The following FAM171A1 variants were observed in gnomAD, a reference collection of about 807,000 sequenced individuals.
FAM171A1 encodes the protein family with sequence similarity 171 member A1, also known as protein FAM171A1.
FAM171A1 carries 23 observed loss-of-function variants against 74.9 expected under a neutral mutation model. That is an observed-to-expected ratio of 0.31 (90% CI 0.22 to 0.44). The LOEUF (loss-of-function observed/expected upper bound fraction) is 0.44, where lower values mean the gene tolerates loss of function less well. Among genes scored for constraint, FAM171A1 ranks in the 20% least tolerant of loss-of-function variants. The pLI is 1.00. For synonymous variants in FAM171A1, 527 were observed against 505.7 expected, an observed-to-expected ratio of 1.04 and a Z score of -0.57; for missense variants, 1,162 against 1,159.2, an observed-to-expected ratio of 1.00 and a Z score of -0.03.
At chr10:15,258,258 A>G (rs1712242824) in intron 3 of FAM171A1, among the ~76,000 whole-genome samples, 1 of 151,768 alleles carries the variant, frequency 6.6e-6, no homozygotes, top group Non-Finnish European at 1.5e-5. Context: ...ATGAGGTTTC[A>G]TCACATTGGC....
rs753395427 is a variant in FAM171A1, at chr10:15,248,672, A to G, written c.721T>C (p.Tyr241His). 1.2e-6 allele frequency: 2 copies of G among 1,611,208 alleles called. No individual in the cohort carries two copies. Among genetic ancestry groups the G allele is most frequent in the South Asian group, 2.2e-5 (2 of 90,334 alleles). Residue 241 changes from tyrosine to histidine, a missense_variant, in exon 5 of 8, where the codon TAT becomes CAT. Tyr to His is a moderately conservative substitution (Grantham distance 83, BLOSUM62 2). Coordinates refer to ENST00000378116, the MANE Select transcript of FAM171A1 (RefSeq NM_001010924.2). ...TGGTCAAACCGCCACGCCGCGACAT[A>G]GGCATTGTGCCTCAGGCTGCTCTGC... is the stretch of plus-strand genomic sequence containing the variant. The part of the protein sequence containing the change: ...ATQSSLRHNA[Y>H]VAAWRFDQKL...
In FAM171A1 at chr10:15,283,936, G is replaced by T. The variant is rs150811432; in HGVS notation, c.267C>A (p.Thr89=). 1 of 1,614,014 alleles carries T rather than the reference G, an allele frequency of 6.2e-7. No individual in the cohort carries two copies. Among genetic ancestry groups the T allele is most frequent in the African/African-American group, 1.3e-5 (1 of 74,908 alleles). ...TTGGCACGTAGGCATGCTTCGAGGC[G>T]GTGACAATCAACTGACTGCCCAGCT... ...QYKLGSQLIV[T]ASKHAYVPNS... is the part of the protein sequence containing the mutation. Residue 89 remains threonine, a synonymous_variant, in exon 2 of 8, where the codon ACC becomes ACA. Coordinates refer to ENST00000378116, the MANE Select transcript of FAM171A1 (RefSeq NM_001010924.2).
At chr10:15,305,663 C>CGAAAA (rs1173838120) in intron 1 of FAM171A1, among the ~76,000 whole-genome samples, 1 of 9,638 alleles carries the variant, frequency 1.0e-4, no homozygotes, top group South Asian at 4.2e-3. Context: ...TGAGATCTGG[C>CGAAAA]TAAAAAAAAA....
intron 5 of FAM171A1, among the ~76,000 whole-genome samples, chr10:15,229,444 GTCACCACCATCATTGTCACCATCA>G (rs1834155293): frequency 1.4e-5 from 2 of 146,310 alleles, no homozygotes; most frequent in South Asian, 4.5e-4. Flanking sequence ...CATCACCATC[GTCACCACCATCATTGTCACCATCA>G]TCACCATTGT....
chr10:15,296,668 T>C (rs751072894), intron 1 of FAM171A1, among the ~76,000 whole-genome samples: 23 of 152,216 alleles, frequency 1.5e-4, no homozygotes, highest in Non-Finnish European at 3.1e-4. Context: ...CTCTTGATTG[T>C]ACCAAGAGGT....
Position 15,244,805 on chromosome 10 carries a change from C to T in FAM171A1, c.754+3834G>A, listed in dbSNP as rs575433811. On this transcript the variant is annotated intron_variant, in intron 5 of 7. Coordinates refer to ENST00000378116, the MANE Select transcript of FAM171A1 (RefSeq NM_001010924.2). Reference sequence around the variant, plus strand: ...CAGGGAGTAACTGGCACCCGCATACCGTGCCGTTCAAGCTGATAGGACCAT... The same window carrying T: ...CAGGGAGTAACTGGCACCCGCATACTGTGCCGTTCAAGCTGATAGGACCAT... Among the ~76,000 whole-genome samples, 305 of 152,172 alleles carry T rather than the reference C, an allele frequency of 2.0e-3. 2 individuals carry two copies. The highest frequency in any genetic ancestry group is 6.7e-3 in the African/African-American group (277 of 41,534).
chr10:15,361,518 A>G lies in FAM171A1; in HGVS notation c.97+9438T>C, dbSNP rs549185851. ...GCCAACATGGTAAAACCCTGTCTCT[A>G]CAAAAAATACAAAAACTAGCCAGGT... On this transcript the variant is annotated intron_variant, in intron 1 of 7. Transcript: ENST00000378116. Among the ~76,000 whole-genome samples the G allele has an allele frequency of 2.2e-4, 34 of 152,288 alleles. No homozygotes were observed. In the South Asian group the frequency reaches 7.0e-3, roughly 32 times the overall value.
chr10:15,305,663 C>CAAAAAA (rs1173838120), intron 1 of FAM171A1, among the ~76,000 whole-genome samples: 1 of 9,642 alleles, frequency 1.0e-4, no homozygotes, highest in Non-Finnish European at 2.0e-4. Flanking sequence ...TGAGATCTGG[C>CAAAAAA]TAAAAAAAAA....
chr10:15,308,860 T>C (rs1162266416), intron 1 of FAM171A1, among the ~76,000 whole-genome samples: 1 of 152,014 alleles, frequency 6.6e-6, no homozygotes, highest in Non-Finnish European at 1.5e-5. Context: ...GAGATGGGGT[T>C]TCACCATGTT....
intron 2 of FAM171A1, among the ~76,000 whole-genome samples, chr10:15,276,199 C>A (rs972941670): frequency 2.0e-5 from 3 of 147,064 alleles, no homozygotes; most frequent in African/African-American, 7.5e-5. Context: ...TTTCTTTTTT[C>A]TGAGACGGAC....
rs558313868 is a variant in FAM171A1 at position 15,287,979 on chromosome 10, T to C, written c.98-3874A>G. 1.8e-4 allele frequency among the ~76,000 whole-genome samples: 27 copies of C among 152,342 alleles called. No homozygotes were observed. The South Asian group carries it at 5.6e-3, about 32-fold the overall frequency. On this transcript the variant is annotated intron_variant, in intron 1 of 7. Coordinates refer to ENST00000378116, the MANE Select transcript of FAM171A1 (RefSeq NM_001010924.2). ...CATTCTTTATGTCTTTGCATCCTCA[T>C]AGCTTAGCTCCCACTCAGGAGTGAG...
At chr10:15,327,671 G>A (rs539275481) in intron 1 of FAM171A1, among the ~76,000 whole-genome samples, 5 of 148,720 alleles carry the variant, frequency 3.4e-5, no homozygotes, top group South Asian at 4.2e-4. Context: ...AATAAATAAG[G>A]AATATGATAA....
At chr10:15,266,275 C>G (rs1471902412) in intron 3 of FAM171A1, among the ~76,000 whole-genome samples, 1 of 152,162 alleles carries the variant, frequency 6.6e-6, no homozygotes, top group African/African-American at 2.4e-5. Context: ...GCTGCTGGGT[C>G]CCACCTGCGG....
intron 5 of FAM171A1, among the ~76,000 whole-genome samples, chr10:15,233,267 C>A (rs1223744016): frequency 2.6e-5 from 4 of 152,014 alleles, no homozygotes; most frequent in African/African-American, 9.7e-5. Flanking sequence ...TACACTCCAG[C>A]CTGGGTGACA....
intron 7 of FAM171A1, 104 bp from the exon 8 acceptor site, chr10:15,214,705 A>G: frequency 7.0e-7 from 1 of 1,423,978 alleles, no homozygotes; most frequent in Non-Finnish European, 9.2e-7. Flanking sequence ...ATGGGGAGAG[A>G]CAAAACAAAA....
At chr10:15,370,673 C>T (rs1190621540) in intron 1 of FAM171A1, among the ~76,000 whole-genome samples, 1 of 151,662 alleles carries the variant, frequency 6.6e-6, no homozygotes, top group Non-Finnish European at 1.5e-5. Flanking sequence ...AGACGAGCCC[C>T]CGCCGCAGCG....
intron 5 of FAM171A1, among the ~76,000 whole-genome samples, chr10:15,235,549 T>C (rs1407032880): frequency 1.3e-5 from 2 of 152,178 alleles, no homozygotes; most frequent in Non-Finnish European, 2.9e-5. Flanking sequence ...TCAACATACT[T>C]TAATTCCACC....
chr10:15,369,958 T>C (rs962274298), intron 1 of FAM171A1, among the ~76,000 whole-genome samples: 1 of 152,154 alleles, frequency 6.6e-6, no homozygotes, highest in Non-Finnish European at 1.5e-5. Flanking sequence ...AGCGGTGCCC[T>C]GGGTGAATGC....
chr10:15,316,428 TG>T (rs1257178824), intron 1 of FAM171A1, among the ~76,000 whole-genome samples: 1 of 152,178 alleles, frequency 6.6e-6, no homozygotes, highest in East Asian at 1.9e-4. Context: ...AACTGTCAGG[TG>T]ACGGGCTTCG....
Sources: allele counts gnomAD v4.1 joint callset (sites outside exome capture counted in the v4.1 genomes callset), GRCh38; gene constraint gnomAD v4.1.1; transcripts MANE v1.5; gene names NCBI Gene and HGNC (gene_info 2026-07-23, HGNC 2026-07-21).